The following TXNRD1 variants were observed in gnomAD, a reference collection of about 807,000 sequenced individuals.
TXNRD1 encodes thioredoxin reductase 1, cytoplasmic.
TXNRD1 carries 57 observed loss-of-function variants against 80.3 expected under a neutral mutation model. The ratio of observed to expected loss-of-function variants is 0.71; its 90% CI spans 0.57 to 0.89. TXNRD1 has a LOEUF of 0.89. Among genes scored for constraint, TXNRD1 ranks in the 40% least tolerant of loss-of-function variants. The probability of loss-of-function intolerance (pLI) is 0.00; values close to 1 mark genes in which losing one functional copy is unlikely to be tolerated. For synonymous variants in TXNRD1, 291 were observed against 285.2 expected (o/e 1.02, Z -0.20); for missense variants, 730 against 803.0 (o/e 0.91, Z 1.10).
At chr12:104,235,157 T>C (rs2050139400) in intron 1 of TXNRD1, among the ~76,000 whole-genome samples, 1 of 152,178 alleles carries the variant, frequency 6.6e-6, no homozygotes, top group African/African-American at 2.4e-5. Flanking sequence ...GAGAGCACAC[T>C]GAACAAAGGA....
chr12:104,253,688 G>T (rs772400572), intron 2 of TXNRD1, among the ~76,000 whole-genome samples: 3 of 151,790 alleles, frequency 2.0e-5, no homozygotes, highest in Non-Finnish European at 2.9e-5. Context: ...GTTGCTTATT[G>T]AGGGTTTTTT....
intron 1 of TXNRD1, among the ~76,000 whole-genome samples, chr12:104,235,522 G>A (rs898311950): frequency 6.6e-6 from 1 of 152,134 alleles, no homozygotes; most frequent in African/African-American, 2.4e-5. Context: ...AGGGTAAAAA[G>A]GTTTACCAGT....
intron 4 of TXNRD1, among the ~76,000 whole-genome samples, chr12:104,297,996 A>G (rs931565932): frequency 3.3e-5 from 5 of 152,348 alleles, no homozygotes; most frequent in African/African-American, 1.2e-4. Flanking sequence ...GGGTTTTTAA[A>G]GTGTCATTAA....
At chr12:104,331,665 CTATGT>C in intron 14 of TXNRD1, 24 bp downstream of exon 14, 5 of 1,470,204 alleles carry the variant, frequency 3.4e-6, no homozygotes, top group East Asian at 2.3e-5. Context: ...CTCTTTTCTC[CTATGT>C]TATATCACTA....
intron 15 of TXNRD1, among the ~76,000 whole-genome samples, chr12:104,336,392 C>T (rs1055041231): frequency 5.9e-5 from 9 of 152,196 alleles, no homozygotes; most frequent in African/African-American, 1.9e-4. Flanking sequence ...ATATCTGTTA[C>T]TGCTCTTTTG....
At chr12:104,314,962 C>T (rs1286866602) in intron 6 of TXNRD1, among the ~76,000 whole-genome samples, 4 of 152,020 alleles carry the variant, frequency 2.6e-5, no homozygotes, top group African/African-American at 9.7e-5. Context: ...AGGCTGGTCT[C>T]GAACTCCTGA....
chr12:104,272,516 C>T (rs2033671904), intron 3 of TXNRD1, among the ~76,000 whole-genome samples: 1 of 152,030 alleles, frequency 6.6e-6, no homozygotes, highest in Admixed American at 6.6e-5. Context: ...GGCAAAAGTC[C>T]CGGCGCTGTG....
intron 3 of TXNRD1, among the ~76,000 whole-genome samples, chr12:104,260,185 T>C (rs1476226366): frequency 6.6e-6 from 1 of 151,790 alleles, no homozygotes; most frequent in Non-Finnish European, 1.5e-5. Context: ...AATACAAAAT[T>C]AGCCGGGCAT....
intron 13 of TXNRD1, among the ~76,000 whole-genome samples, chr12:104,330,468 A>G (rs2035911230): frequency 6.6e-6 from 1 of 152,238 alleles, no homozygotes; most frequent in Non-Finnish European, 1.5e-5. Flanking sequence ...GTATGCTTTG[A>G]AAAATAGTCC....
chr12:104,294,248 G>A lies in TXNRD1; in HGVS notation c.414+5208G>A, dbSNP rs1435617014. On this transcript the variant is annotated intron_variant, in intron 4 of 16. Transcript: ENST00000525566. Reference sequence around the variant, plus strand: ...CCGGGGAAAGGCCCCCCCCCCCGCCGCCGGCTTTCCCGGTCTGCTAAGTAG... The same window carrying A: ...CCGGGGAAAGGCCCCCCCCCCCGCCACCGGCTTTCCCGGTCTGCTAAGTAG... 2.0e-4 allele frequency among the ~76,000 whole-genome samples: 18 copies of A among 92,208 alleles called. 1 individual carries two copies. Among genetic ancestry groups the A allele is most frequent in the African/African-American group, 6.1e-4 (17 of 28,066 alleles). The allele number at this position is 92,208 out of a possible 152,430, so 60.5% of individuals were successfully genotyped here.
Position 104,313,302 on chromosome 12 carries a change from C to T in TXNRD1, c.595C>T (p.Leu199Phe). Residue 199 changes from leucine to phenylalanine, a missense_variant, in exon 6 of 17, where the codon CTT becomes TTT. By Grantham distance (22) the Leu-to-Phe change is conservative (BLOSUM62 0). Coordinates refer to ENST00000525566, the MANE Select transcript of TXNRD1 (RefSeq NM_001093771.3). ...MVLDFVTPTP[L>F]GTRWGLGGTC... ...CCTGGACTTTGTCACTCCCACCCCT[C>T]TTGGAACTAGATGGGGTAAGCTTTT... The T allele has an allele frequency of 5.7e-6, 9 of 1,589,972 alleles. No individual in the cohort carries two copies. In the South Asian group the frequency reaches 9.2e-5, roughly 16 times the overall value.
At position 104,287,550 on chromosome 12, in the gene TXNRD1, G is replaced by C. The variant is rs959207484; in HGVS notation, c.305-1381G>C. The C allele has an allele frequency of 2.8e-5, 43 of 1,538,146 alleles. No homozygotes were observed. In the Middle Eastern group the frequency reaches 5.1e-4, roughly 18 times the overall value. On this transcript the variant is annotated intron_variant, in intron 3 of 16. Coordinates refer to ENST00000525566, the MANE Select transcript of TXNRD1 (RefSeq NM_001093771.3). ...TAACTATGTAAGAATGCTTCTCTAG[G>C]AATTTTCACACCATTTAATCCTCAG...
intron 1 of TXNRD1, among the ~76,000 whole-genome samples, chr12:104,239,336 G>C (rs996876098): frequency 6.6e-6 from 1 of 152,044 alleles, no homozygotes; most frequent in African/African-American, 2.4e-5. Context: ...TGGGATTACA[G>C]GCGTGTGCCA....
chr12:104,229,144 C>CTTTTTT (rs56077479), intron 1 of TXNRD1, among the ~76,000 whole-genome samples: 20 of 106,076 alleles, frequency 1.9e-4, no homozygotes, highest in Admixed American at 4.1e-4. Context: ...CATTACTTTT[C>CTTTTTT]TTTTTTTTTT....
At chr12:104,301,431 G>A (rs939971197) in intron 4 of TXNRD1, among the ~76,000 whole-genome samples, 1 of 152,116 alleles carries the variant, frequency 6.6e-6, no homozygotes, top group Non-Finnish European at 1.5e-5. Flanking sequence ...TCCGTCTCCT[G>A]GGTTCAGGCT....
intron 16 of TXNRD1, among the ~76,000 whole-genome samples, chr12:104,347,784 G>A (rs144575403): frequency 1.4e-4 from 21 of 152,166 alleles, no homozygotes; most frequent in South Asian, 6.2e-4. Flanking sequence ...TGATTGACTC[G>A]AACTCCATTC....
At chr12:104,276,736 G>T (rs866289246) in intron 3 of TXNRD1, 13 of 152,258 alleles carry the variant, frequency 8.5e-5, no homozygotes, top group African/African-American at 2.7e-4. Flanking sequence ...GGAGAGTGAA[G>T]AGCATGCAGG....
intron 3 of TXNRD1, among the ~76,000 whole-genome samples, chr12:104,273,026 C>A (rs1354037976): frequency 6.6e-6 from 1 of 151,866 alleles, no homozygotes; most frequent in Non-Finnish European, 1.5e-5. Flanking sequence ...AGATAATTTT[C>A]AGTCTCCGGC....
intron 3 of TXNRD1, chr12:104,280,174 A>G (rs550402741): frequency 1.3e-5 from 2 of 151,200 alleles, no homozygotes; most frequent in African/African-American, 4.9e-5. Context: ...AGAGTTGCCT[A>G]TACTTACTCC....
Sources: gnomAD v4.1 joint callset for allele counts (sites outside exome capture counted in the v4.1 genomes callset) on GRCh38, gnomAD v4.1.1 for gene constraint, MANE v1.5 for transcripts, NCBI Gene and HGNC (gene_info 2026-07-23, HGNC 2026-07-21) for gene names.